The following MACROD2 variants were observed in gnomAD, a reference collection of about 807,000 sequenced individuals.
MACROD2 encodes the protein mono-ADP ribosylhydrolase 2, also known as ADP-ribose glycohydrolase MACROD2.
Under a neutral mutation model 70.4 loss-of-function variants are expected in MACROD2, and 36 were observed. The observed-to-expected ratio is 0.51, with a 90% CI of 0.39 to 0.68. MACROD2 has a LOEUF of 0.68. Ranked by LOEUF, MACROD2 falls within the 30% of genes least tolerant of loss-of-function variation. The probability of loss-of-function intolerance (pLI) is 0.00; values close to 1 mark genes in which losing one functional copy is unlikely to be tolerated. For synonymous variants in MACROD2, 172 were observed against 178.8 expected, an observed-to-expected ratio of 0.96 and a Z score of 0.30; for missense variants, 496 against 538.4, an observed-to-expected ratio of 0.92 and a Z score of 0.78.
intron 2 of MACROD2, among the ~76,000 whole-genome samples, chr20:14,084,110 G>T (rs376972344): frequency 3.3e-5 from 5 of 149,416 alleles, no homozygotes; most frequent in African/African-American, 1.2e-4. Context: ...GAGAGAAGCG[G>T]TTACTAAGAA....
At chr20:14,778,501 C>T (rs934959059) in intron 5 of MACROD2, among the ~76,000 whole-genome samples, 2 of 152,064 alleles carry the variant, frequency 1.3e-5, no homozygotes, top group African/African-American at 4.8e-5. Context: ...CTCAAGTTGT[C>T]CACAGCTCTT....
intron 8 of MACROD2, among the ~76,000 whole-genome samples, chr20:15,711,701 T>C (rs2050631289): frequency 6.6e-6 from 1 of 152,180 alleles, no homozygotes; most frequent in African/African-American, 2.4e-5. Flanking sequence ...TGTACTACAT[T>C]CCTACCAGCA....
chr20:15,434,331 G>GA (rs34704525), intron 7 of MACROD2, among the ~76,000 whole-genome samples: 24,650 of 147,620 alleles, frequency 0.17, 2,535 homozygotes, highest in Admixed American at 0.24. Context: ...ATATCAGCAA[G>GA]AAAAAAAAAA....
intron 12 of MACROD2, among the ~76,000 whole-genome samples, chr20:15,959,707 T>A (rs988725897): frequency 2.0e-5 from 3 of 152,086 alleles, no homozygotes; most frequent in African/African-American, 7.2e-5. Context: ...CGTTTTTTTA[T>A]ATTTTTAGTA....
At chr20:14,100,946 C>T (rs1264841852) in intron 3 of MACROD2, among the ~76,000 whole-genome samples, 4 of 148,422 alleles carry the variant, frequency 2.7e-5, no homozygotes, top group African/African-American at 4.9e-5. Context: ...ACATCTTTAC[C>T]GTATTGTCCT....
At chr20:15,873,005 A>T (rs2064608108) in intron 9 of MACROD2, among the ~76,000 whole-genome samples, 1 of 152,194 alleles carries the variant, frequency 6.6e-6, no homozygotes, top group Non-Finnish European at 1.5e-5. Context: ...TGAACTTAGG[A>T]ATTATTTCTG....
At chr20:15,826,732 G>T (rs1218542745) in intron 8 of MACROD2, among the ~76,000 whole-genome samples, 2 of 152,164 alleles carry the variant, frequency 1.3e-5, no homozygotes, top group Non-Finnish European at 2.9e-5. Flanking sequence ...AAATGTGTCT[G>T]TACAATGGAC....
Position 14,815,711 on chromosome 20 carries a change from T to C in MACROD2, c.418+130752T>C, listed in dbSNP as rs1286565611. ...GCGATCAATAAATGTTATTATGTTA[T>C]ATATTTTAATGTTATTCTACAAGTT... On this transcript the variant is annotated intron_variant, in intron 5 of 17. Transcript: ENST00000684519. Among the ~76,000 whole-genome samples, 3 of 152,096 alleles carry C rather than the reference T, an allele frequency of 2.0e-5. 1 individual carries two copies. The highest frequency in any genetic ancestry group is 4.4e-5 in the Non-Finnish European group (3 of 67,992).
chr20:15,613,404 C>G (rs1240178070), intron 8 of MACROD2, among the ~76,000 whole-genome samples: 1 of 152,184 alleles, frequency 6.6e-6, no homozygotes, highest in Non-Finnish European at 1.5e-5. Context: ...ATTTCGGTGC[C>G]TGTCCTTCCT....
chr20:14,549,819 T>C (rs1397740141), intron 4 of MACROD2, among the ~76,000 whole-genome samples: 2 of 152,140 alleles, frequency 1.3e-5, no homozygotes, highest in Admixed American at 1.3e-4. Flanking sequence ...TGTGGTGAAA[T>C]CTCTTAATTT....
intron 5 of MACROD2, among the ~76,000 whole-genome samples, chr20:15,131,753 A>T (rs1214393320): frequency 1.3e-5 from 2 of 152,074 alleles, no homozygotes; most frequent in Admixed American, 6.6e-5. Context: ...CACCAAGGGG[A>T]AAACATGTAT....
At chr20:16,041,400 A>G in intron 16 of MACROD2, 122 bp downstream of exon 16, 1 of 753,716 alleles carries the variant, frequency 1.3e-6, no homozygotes, top group East Asian at 3.0e-5. Context: ...AACACAGTAA[A>G]TTTCAAAAAC....
rs550967033 is a variant in MACROD2 at position 15,607,726 on chromosome 20, G to T, written c.645+107879G>T. Among the ~76,000 whole-genome samples, 17 of 152,146 alleles carry T rather than the reference G, an allele frequency of 1.1e-4. No homozygotes were observed. The East Asian group carries it at 2.9e-3, about 26-fold the overall frequency. On this transcript the variant is annotated intron_variant, in intron 8 of 17. Coordinates refer to ENST00000684519, the MANE Select transcript of MACROD2 (RefSeq NM_001351661.2). ...TTTTTGTATTTTTATTAGAGACGGG[G>T]TTTCACCTTGTTGGCCAGGCTGGTC...
At chr20:15,304,988 T>A (rs1420867904) in intron 6 of MACROD2, among the ~76,000 whole-genome samples, 1 of 152,242 alleles carries the variant, frequency 6.6e-6, no homozygotes, top group Non-Finnish European at 1.5e-5. Context: ...TTTCTAACAA[T>A]GGAGATGAGC....
At chr20:14,303,560 G>C (rs1170635162) in intron 3 of MACROD2, among the ~76,000 whole-genome samples, 2 of 152,162 alleles carry the variant, frequency 1.3e-5, no homozygotes, top group Admixed American at 6.5e-5. Context: ...AGTACATCTT[G>C]CAAGTACTGT....
chr20:15,274,186 A>G (rs1195514575), intron 6 of MACROD2, among the ~76,000 whole-genome samples: 1 of 152,202 alleles, frequency 6.6e-6, no homozygotes, highest in Non-Finnish European at 1.5e-5. Flanking sequence ...TTAGGAAACT[A>G]AGATAAGACT....
intron 5 of MACROD2, among the ~76,000 whole-genome samples, chr20:15,119,456 G>A (rs1422067634): frequency 1.3e-5 from 2 of 152,162 alleles, no homozygotes; most frequent in Non-Finnish European, 2.9e-5. Context: ...ACATAGTAGT[G>A]TCAATAGACA....
intron 3 of MACROD2, among the ~76,000 whole-genome samples, chr20:14,464,652 G>A (rs2084418011): frequency 6.6e-6 from 1 of 151,870 alleles, no homozygotes; most frequent in Admixed American, 6.6e-5. Flanking sequence ...GATCTTTCCT[G>A]CTTTCTCTTG....
chr20:14,122,266 A>C (rs1433245838), intron 3 of MACROD2, among the ~76,000 whole-genome samples: 1 of 152,140 alleles, frequency 6.6e-6, no homozygotes, highest in Non-Finnish European at 1.5e-5. Context: ...AGCTCCTCTC[A>C]GTATCTCTGT....
Sources: allele counts gnomAD v4.1 joint callset (sites outside exome capture counted in the v4.1 genomes callset), GRCh38; gene constraint gnomAD v4.1.1; transcripts MANE v1.5; gene names NCBI Gene and HGNC (gene_info 2026-07-23, HGNC 2026-07-21).